Variants in ZCWPW1 observed in about 807,000 individuals in gnomAD.
ZCWPW1 encodes the protein zinc finger CW-type PWWP domain protein 1.
A neutral mutation model predicts 81.3 loss-of-function variants in ZCWPW1; 56 were observed. That is an observed-to-expected ratio of 0.69 (90% CI 0.56 to 0.86). The LOEUF (loss-of-function observed/expected upper bound fraction) is 0.86, where lower values mean the gene tolerates loss of function less well. Ranked by LOEUF, ZCWPW1 falls within the 40% of genes least tolerant of loss-of-function variation. The pLI is 0.00. For missense variants in ZCWPW1, 650 were observed against 769.8 expected, an observed-to-expected ratio of 0.84 and a Z score of 1.84; for synonymous variants, 250 against 273.7, an observed-to-expected ratio of 0.91 and a Z score of 0.86.
At chr7:100,404,111 T>G (rs915103987) in intron 14 of ZCWPW1, 67 bp downstream of exon 14, 13 of 1,505,236 alleles carry the variant, frequency 8.6e-6, no homozygotes, top group Admixed American at 1.9e-5. Context: ...AAGAAAAACA[T>G]GGGTTGCTGC....
intron 5 of ZCWPW1, chr7:100,418,803 AT>A (rs1486100706): frequency 4.3e-5 from 7 of 163,130 alleles, no homozygotes; most frequent in African/African-American, 1.2e-4. Flanking sequence ...AAAAAAAAAA[AT>A]AATAAATAAG....
At chr7:100,404,286 C>G in intron 13 of ZCWPW1, 42 bp from the exon 14 acceptor site, 1 of 1,584,666 alleles carries the variant, frequency 6.3e-7, no homozygotes, top group Non-Finnish European at 8.6e-7. Context: ...ACTACCCTTT[C>G]AGGCGCAGCT....
intron 5 of ZCWPW1, 23 bp downstream of exon 5, chr7:100,419,088 T>C (rs754972980): frequency 4.2e-5 from 67 of 1,606,560 alleles, no homozygotes; most frequent in Non-Finnish European, 1.0e-5. Flanking sequence ...CTGAAACCCT[T>C]TTTCTCTTAC....
intron 11 of ZCWPW1, among the ~76,000 whole-genome samples, 199 bp downstream of exon 11, chr7:100,407,029 G>A (rs994620057): frequency 6.6e-6 from 1 of 152,154 alleles, no homozygotes; most frequent in Non-Finnish European, 1.5e-5. Flanking sequence ...CCCTGACAGT[G>A]GATAAATATT....
chr7:100,402,067 T>C lies in ZCWPW1; in HGVS notation c.1475-26A>G, dbSNP rs755320959. 90 of 1,588,034 alleles carry C rather than the reference T, an allele frequency of 5.7e-5. 2 individuals are homozygous for C. Among genetic ancestry groups the C allele is most frequent in the Non-Finnish European group, 3.2e-5 (37 of 1,166,360 alleles). On this transcript the variant is annotated intron_variant, in intron 16 of 17. Transcript: ENST00000684423. The stretch of plus-strand genomic sequence containing the variant: ...CTAGCCGTGAGGGAAATGCGTTTAT[T>C]TCTCTCTAAACGACAACTCGGCAAG...
At position 100,417,158 on chromosome 7, in the gene ZCWPW1, T is replaced by C; in HGVS notation, c.387A>G (p.Ala129=). The C allele has an allele frequency of 1.9e-6, 3 of 1,613,904 alleles. No individual in the cohort carries two copies. The highest frequency in any genetic ancestry group is 2.2e-5 in the East Asian group (1 of 44,860). The change falls in exon 6 of 18, where the codon GCA becomes GCG. Residue 129 remains alanine (A), a synonymous_variant. Coordinates refer to ENST00000684423, the MANE Select transcript of ZCWPW1 (RefSeq NM_001386010.1). ...CLGMGSGLDF[A]ETSCAQPVVS... is the part of the protein sequence containing the mutation. ...CTACGGGCTGGGCACAAGAAGTCTC[T>C]GCAAAATCAAGGCCAGATCCCATCC...
In ZCWPW1 at chr7:100,419,813, G is replaced by A. The variant is rs367956232; in HGVS notation, c.99C>T (p.Ser33=). ...AQKSYSLLPC[S]PNSPKEETPG... ...GGGTCTCCTCCTTAGGGGAGTTAGG[G>A]CTACAAGGTAACAGGCTGTAAGATT... The change falls in exon 4 of 18, where the codon AGC becomes AGT. Residue 33 remains serine (S), a synonymous_variant. Coordinates refer to ENST00000684423, the MANE Select transcript of ZCWPW1 (RefSeq NM_001386010.1). 2.5e-6 allele frequency: 4 copies of A among 1,612,430 alleles called. No homozygotes were observed. The highest frequency in any genetic ancestry group is 3.4e-6 in the Non-Finnish European group (4 of 1,179,578).
At chr7:100,401,487 A>G (rs1791870841) in intron 17 of ZCWPW1, 151 bp from the exon 18 acceptor site, 1 of 808,382 alleles carries the variant, frequency 1.2e-6, no homozygotes. Context: ...GATCAGAAAG[A>G]GAGTCAAGCC....
intron 3 of ZCWPW1, 28 bp downstream of exon 3, chr7:100,420,594 A>T: frequency 6.2e-7 from 1 of 1,613,982 alleles, no homozygotes; most frequent in Non-Finnish European, 8.5e-7. Flanking sequence ...GAAATGTATG[A>T]AGCGAACCTC....
chr7:100,420,634 G>T lies in ZCWPW1; in HGVS notation c.16C>A (p.Gln6Lys). 1 of 1,614,058 alleles carries T rather than the reference G, an allele frequency of 6.2e-7. No individual in the cohort carries two copies. The highest frequency in any genetic ancestry group is 2.2e-5 in the East Asian group (1 of 44,890). The change falls in exon 3 of 18, where the codon CAG (glutamine) becomes AAG (lysine). Residue 6 changes from glutamine to lysine, a missense_variant. By Grantham distance (53) the Gln-to-Lys change is moderately conservative. Coordinates refer to ENST00000684423, the MANE Select transcript of ZCWPW1 (RefSeq NM_001386010.1). The part of the protein sequence containing the change: MMTTL[Q>K]NKEECGKGPK... The stretch of plus-strand genomic sequence containing the variant: ...ACTCTTGACTCACCTTCTTTATTCT[G>T]CAACGTTGTCATCATTCAGCTTAGA...
At chr7:100,405,138 T>A in intron 12 of ZCWPW1, 45 bp from the exon 13 acceptor site, 1 of 1,590,650 alleles carries the variant, frequency 6.3e-7, no homozygotes, top group Non-Finnish European at 8.6e-7. Flanking sequence ...GACTTAAAGA[T>A]TAGAGTCATG....
rs1476834812 is a variant in ZCWPW1, at chr7:100,426,705, CCTT to C, written c.-136-1572_-136-1570del. ...TCCCTCCCTCTCTTCCTTCTTCCCT[CCTT>C]CTGTCTCCCTTTGTCCCTCCATCCC... On this transcript the variant is annotated intron_variant, in intron 1 of 17. Coordinates refer to ENST00000684423, the MANE Select transcript of ZCWPW1 (RefSeq NM_001386010.1). Among the ~76,000 whole-genome samples, 3 of 142,356 alleles carry C rather than the reference CCTT, an allele frequency of 2.1e-5. No individual in the cohort carries two copies. In the East Asian group the frequency reaches 6.5e-4, roughly 31 times the overall value. 93.4% of individuals were successfully genotyped at this position (142,356 alleles called of 152,430 possible). A position where few individuals can be genotyped will look rare whatever the true frequency, so the allele number is the denominator to read the frequency against.
intron 2 of ZCWPW1, among the ~76,000 whole-genome samples, chr7:100,424,358 GT>G (rs1249164716): frequency 6.6e-6 from 1 of 152,184 alleles, no homozygotes; most frequent in Non-Finnish European, 1.5e-5. Flanking sequence ...CCTCTGGGGA[GT>G]AGAACTGGGT....
chr7:100,413,649 A>G (rs1794642829), intron 8 of ZCWPW1, among the ~76,000 whole-genome samples: 1 of 152,238 alleles, frequency 6.6e-6, no homozygotes, highest in African/African-American at 2.4e-5. Flanking sequence ...ATCCACTACA[A>G]TCACAATTCA....
chr7:100,412,642 C>T (rs1794418273), intron 8 of ZCWPW1, among the ~76,000 whole-genome samples: 1 of 151,948 alleles, frequency 6.6e-6, no homozygotes, highest in Non-Finnish European at 1.5e-5. Flanking sequence ...AGTGCAGTGG[C>T]ACGATCTCCA....
rs535083608 is a variant in ZCWPW1, at chr7:100,409,466, G to A, written c.833C>T (p.Ser278Leu). 33 of 1,614,160 alleles carry A rather than the reference G, an allele frequency of 2.0e-5. No individual in the cohort carries two copies. In the East Asian group the frequency reaches 5.3e-4, roughly 26 times the overall value. Residue 278 changes from serine to leucine, a missense_variant, in exon 9 of 18, where the codon TCA becomes TTA. By Grantham distance (145) the Ser-to-Leu change is moderately radical. Coordinates refer to ENST00000684423, the MANE Select transcript of ZCWPW1 (RefSeq NM_001386010.1). The stretch of plus-strand genomic sequence containing the variant: ...ACAGGACCAATTATCTGGGAGAACT[G>A]AGGGGTCAATGTTCCCACACAGCCG... The part of the protein sequence containing the change: ...WRRLCGNIDP[S>L]VLPDNWSCDQ...
chr7:100,404,133 A>C, intron 14 of ZCWPW1, 45 bp downstream of exon 14: 2 of 1,589,124 alleles, frequency 1.3e-6, no homozygotes, highest in Non-Finnish European at 1.7e-6. Flanking sequence ...CTCATGAAGG[A>C]ATCCCTCCCA....
At chr7:100,419,250 C>T (rs1795917359) in intron 4 of ZCWPW1, 61 bp from the exon 5 acceptor site, 5 of 1,473,084 alleles carry the variant, frequency 3.4e-6, no homozygotes, top group African/African-American at 2.8e-5. Context: ...CCCCTCTGAA[C>T]AGTCAGGGAA....
Position 100,419,792 on chromosome 7 carries a change from C to A in ZCWPW1, c.120G>T (p.Glu40Asp), listed in dbSNP as rs1796020938. The A allele has an allele frequency of 1.2e-6, 2 of 1,613,970 alleles. No individual in the cohort carries two copies. Among genetic ancestry groups the A allele is most frequent in the East Asian group, 4.5e-5 (2 of 44,880 alleles). Residue 40 changes from glutamate (E) to aspartate (D), a missense_variant, in exon 4 of 18, where the codon GAG becomes GAT. Physicochemically the swap from Glu to Asp is conservative, Grantham distance 45 (BLOSUM62 2). Coordinates refer to ENST00000684423, the MANE Select transcript of ZCWPW1 (RefSeq NM_001386010.1). The part of the protein sequence containing the change: ...LPCSPNSPKE[E>D]TPGISSPETE... Reference sequence around the variant, plus strand: ...TCTCTGGGGAACTGATCCCCGGGGTCTCCTCCTTAGGGGAGTTAGGGCTAC... The same window carrying A: ...TCTCTGGGGAACTGATCCCCGGGGTATCCTCCTTAGGGGAGTTAGGGCTAC...
Sources: gnomAD v4.1 joint callset for allele counts (sites outside exome capture counted in the v4.1 genomes callset) on GRCh38, gnomAD v4.1.1 for gene constraint, MANE v1.5 for transcripts, NCBI Gene and HGNC (gene_info 2026-07-23, HGNC 2026-07-21) for gene names.